TET3: variants seen among roughly 807,000 people sequenced by gnomAD.
The protein encoded by TET3 is methylcytosine dioxygenase TET3.
TET3 carries 19 observed loss-of-function variants against 141.4 expected under a neutral mutation model. The ratio of observed to expected loss-of-function variants is 0.13; its 90% confidence interval spans 0.09 to 0.20. The LOEUF is 0.20. Among genes scored for constraint, TET3 ranks in the 10% least tolerant of loss-of-function variants. TET3 has a pLI of 1.00. For synonymous variants in TET3, 1,043 were observed against 980.9 expected, an observed-to-expected ratio of 1.06 and a Z score of -1.18; for missense variants, 1,874 against 2,356.9, an observed-to-expected ratio of 0.80 and a Z score of 4.24.
At chr2:74,118,447 T>G in the TET3 span, among the ~76,000 whole-genome samples, 1 of 152,228 alleles carries the variant, frequency 6.6e-6, no homozygotes, top group East Asian at 1.9e-4. Context: ...GTACTGTAAA[T>G]GTATTTTCAT....
intron 3 of TET3, among the ~76,000 whole-genome samples, chr2:74,021,669 A>G (rs1025355569): frequency 3.3e-5 from 5 of 152,234 alleles, no homozygotes; most frequent in Non-Finnish European, 5.9e-5. Context: ...TTCCATGGTC[A>G]GGCAGCGTTG....
In TET3 at chr2:74,103,785, A is replaced by ATG. The variant is rs1257284422; in HGVS notation, c.*1618_*1619dup. On this transcript the variant is annotated 3_prime_UTR_variant, in exon 12 of 12. Transcript: ENST00000409262. ...AAATGATCTCATGCTAGCCATGTGG[A>ATG]TGTGTGTGTGGTGAATGGGGGGCTT... 2 of 153,698 alleles carry ATG rather than the reference A, an allele frequency of 1.3e-5. No homozygotes were observed. The highest frequency in any genetic ancestry group is 6.5e-5 in the Admixed American group (1 of 15,268). 9.5% of individuals were successfully genotyped at this position (153,698 alleles called of 1,614,324 possible). A position where few individuals can be genotyped will look rare whatever the true frequency, so the allele number is the denominator to read the frequency against.
intron 3 of TET3, among the ~76,000 whole-genome samples, chr2:74,019,236 G>A (rs776231076): frequency 5.9e-5 from 9 of 152,230 alleles, no homozygotes; most frequent in Non-Finnish European, 1.3e-4. Context: ...CAGTCTGGGC[G>A]ACAGAAGGAG....
chr2:74,134,314 G>A, the TET3 span, among the ~76,000 whole-genome samples: 1 of 152,202 alleles, frequency 6.6e-6, no homozygotes, highest in South Asian at 2.1e-4. Context: ...TGATACAACT[G>A]AGTGATTCTA....
In TET3 at chr2:74,105,340, G is replaced by T; in HGVS notation, c.*3164G>T. Reference sequence around the variant, plus strand: ...CTCTGTTTTGTTTTCCCTGCCTGTTGCGTGCAAGGGAAGTGCTTGTAAAGT... The same window carrying T: ...CTCTGTTTTGTTTTCCCTGCCTGTTTCGTGCAAGGGAAGTGCTTGTAAAGT... On this transcript the variant is annotated 3_prime_UTR_variant, in exon 12 of 12. Transcript: ENST00000409262. The T allele has an allele frequency of 2.5e-6, 1 of 398,590 alleles. No individual in the cohort carries two copies. The highest frequency in any genetic ancestry group is 4.4e-6 in the Non-Finnish European group (1 of 226,064). 24.7% of individuals were successfully genotyped at this position (398,590 alleles called of 1,614,324 possible). A position where few individuals can be genotyped will look rare whatever the true frequency, so the allele number is the denominator to read the frequency against.
intron 11 of TET3, 145 bp downstream of exon 11, chr2:74,099,757 G>A: frequency 2.3e-6 from 2 of 878,380 alleles, no homozygotes; most frequent in South Asian, 1.8e-5. Flanking sequence ...AGCAGCCACA[G>A]CCAGCCTGAT....
At chr2:74,028,093 C>T (rs962681057) in intron 3 of TET3, among the ~76,000 whole-genome samples, 2 of 151,702 alleles carry the variant, frequency 1.3e-5, no homozygotes, top group Admixed American at 6.6e-5. Context: ...AGGGGATCCT[C>T]CTGCCTCAGC....
At chr2:74,039,839 A>G (rs1402913576) in intron 3 of TET3, among the ~76,000 whole-genome samples, 1 of 152,198 alleles carries the variant, frequency 6.6e-6, no homozygotes, top group Admixed American at 6.5e-5. Flanking sequence ...TCCTCACAGC[A>G]TGGTGACTGG....
downstream of TET3, chr2:74,108,192 CTT>C: frequency 6.5e-6 from 1 of 153,818 alleles, no homozygotes. Context: ...TGTGGGTTCT[CTT>C]TTTCCCCTTC....
At position 74,046,688 on chromosome 2, in the gene TET3, G is replaced by C. The variant is rs760869810; in HGVS notation, c.771G>C (p.Gln257His). ...SAGSEDLDTL[Q>H]TALALARHGM... ...GCAGCGAAGACCTTGACACACTGCA[G>C]ACGGCCCTGGCCCTCGCGCGGCATG... Residue 257 changes from glutamine to histidine, a missense_variant, in exon 4 of 12, where the codon CAG becomes CAC. By Grantham distance (24) the Gln-to-His change is conservative (BLOSUM62 0). Transcript: ENST00000409262. This position sits in a 1 kb window ranked among gnomAD's most constrained non-coding sequence, Gnocchi z 4.3. The C allele has an allele frequency of 4.3e-6, 7 of 1,614,050 alleles. No homozygotes were observed. The highest frequency in any genetic ancestry group is 5.1e-6 in the Non-Finnish European group (6 of 1,179,892).
At chr2:74,002,735 C>A (rs918794737) in intron 2 of TET3, 22 of 525,534 alleles carry the variant, frequency 4.2e-5, no homozygotes, top group Non-Finnish European at 6.0e-5. Flanking sequence ...TGCCTCCCTC[C>A]GTGCGCTCCC....
At chr2:74,096,107 A>G (rs936646348) in intron 10 of TET3, among the ~76,000 whole-genome samples, 2 of 152,100 alleles carry the variant, frequency 1.3e-5, no homozygotes, top group Non-Finnish European at 2.9e-5. Flanking sequence ...ACCTTTTGAT[A>G]TTTGTAAAGT....
Position 74,101,183 on chromosome 2 carries a change from T to G in TET3, c.4395T>G (p.Pro1465=). The part of the protein sequence containing the change: ...SWGVFSSGES[P]AIVPDKLSSF... ...GTGTGTTCTCGTCTGGGGAGAGTCCTGCCATCGTCCCTGACAAGCTCAGTT... is the reference window on the plus strand; with the variant it reads ...GTGTGTTCTCGTCTGGGGAGAGTCCGGCCATCGTCCCTGACAAGCTCAGTT... The change falls in exon 12 of 12, where the codon CCT becomes CCG. Residue 1465 remains proline, a synonymous_variant. Coordinates refer to ENST00000409262, the MANE Select transcript of TET3 (RefSeq NM_001287491.2). The surrounding 1 kb of genome is among the most constrained non-coding windows in gnomAD (Gnocchi z 8.5). 6.2e-7 allele frequency: 1 copy of G among 1,613,766 alleles called. No homozygotes were observed. The highest frequency in any genetic ancestry group is 1.1e-5 in the South Asian group (1 of 91,036).
chr2:73,984,583 C>A (rs2105045658), upstream of TET3, among the ~76,000 whole-genome samples: 1 of 152,006 alleles, frequency 6.6e-6, no homozygotes, highest in South Asian at 2.1e-4. The surrounding 1 kb of genome is among the most constrained non-coding windows in gnomAD (Gnocchi z 5.6). Context: ...CTGGAAGGTC[C>A]GCGTGCCCCA....
intron 3 of TET3, among the ~76,000 whole-genome samples, chr2:74,026,497 G>A (rs1573724506): frequency 6.6e-6 from 1 of 152,270 alleles, no homozygotes; most frequent in East Asian, 1.9e-4. Context: ...GACCTAAGGA[G>A]GTTCCAGAGT....
intron 3 of TET3, among the ~76,000 whole-genome samples, chr2:74,024,241 G>A (rs1421305827): frequency 1.3e-5 from 2 of 152,204 alleles, no homozygotes; most frequent in Non-Finnish European, 2.9e-5. Context: ...CTCGTTTGCA[G>A]ACCAGTCTGT....
intron 3 of TET3, among the ~76,000 whole-genome samples, chr2:74,018,865 G>A (rs887446944): frequency 1.3e-5 from 2 of 152,054 alleles, no homozygotes; most frequent in African/African-American, 4.8e-5. Flanking sequence ...TTATTTTGGG[G>A]AGAATAGATA....
intron 4 of TET3, among the ~76,000 whole-genome samples, chr2:74,072,765 A>G (rs1689282836): frequency 6.6e-6 from 1 of 152,158 alleles, no homozygotes; most frequent in Non-Finnish European, 1.5e-5. Context: ...TGCTCCTCCC[A>G]GCCCCTGCGA....
Position 74,101,604 on chromosome 2 carries a change from T to C in TET3, c.4816T>C (p.Phe1606Leu). Residue 1606 changes from phenylalanine (F) to leucine (L), a missense_variant, in exon 12 of 12, where the codon TTC becomes CTC. This residue lies in a region of TET3 where 602 missense variants were observed against 590.2 expected (regional missense o/e 1.02). Coordinates refer to ENST00000409262, the MANE Select transcript of TET3 (RefSeq NM_001287491.2). This position sits in a 1 kb window ranked among gnomAD's most constrained non-coding sequence, Gnocchi z 8.5. ...GTCAGAGGAGAAGCTGTGGGACCCC[T>C]TCAGCCTGGAGGAGGGGCCGGCTGA... The part of the protein sequence containing the change: ...LKSEEKLWDP[F>L]SLEEGPAEEP... 1.9e-6 allele frequency: 3 copies of C among 1,611,558 alleles called. No homozygotes were observed. The highest frequency in any genetic ancestry group is 2.5e-6 in the Non-Finnish European group (3 of 1,178,858).
Sources: gnomAD v4.1 joint callset for allele counts (sites outside exome capture counted in the v4.1 genomes callset) on GRCh38, gnomAD v4.1.1 for gene constraint, gnomAD v4.1.1 regional missense constraint, Gnocchi (gnomAD v3.1) non-coding constraint, MANE v1.5 for transcripts, NCBI Gene and HGNC (gene_info 2026-07-23, HGNC 2026-07-21) for gene names.